CRADD: variants seen among roughly 807,000 people sequenced by gnomAD.
CRADD encodes death domain-containing protein CRADD.
In CRADD, 9 loss-of-function variants were observed where a neutral mutation model predicts 15.5. The observed-to-expected ratio is 0.58, with a 90% CI of 0.35 to 1.01. The LOEUF (loss-of-function observed/expected upper bound fraction) is 1.01, where lower values mean the gene tolerates loss of function less well. Among genes scored for constraint, CRADD ranks in the 50% least tolerant of loss-of-function variants. CRADD has a pLI of 0.02. For synonymous variants in CRADD, 118 were observed against 107.6 expected, an observed-to-expected ratio of 1.10 and a Z score of -0.60; for missense variants, 227 against 250.3, an observed-to-expected ratio of 0.91 and a Z score of 0.63.
At chr12:93,697,300 C>T (rs1205866021) in intron 2 of CRADD, among the ~76,000 whole-genome samples, 2 of 152,194 alleles carry the variant, frequency 1.3e-5, no homozygotes, top group Non-Finnish European at 2.9e-5. Flanking sequence ...GGAGGGAACT[C>T]GCTTAGGCTC....
intron 2 of CRADD, among the ~76,000 whole-genome samples, chr12:93,880,339 T>C (rs1471537081): frequency 1.3e-5 from 2 of 152,144 alleles, no homozygotes; most frequent in African/African-American, 4.8e-5. Flanking sequence ...TATGAGTCTA[T>C]AAACAAAAGA....
At position 93,790,912 on chromosome 12, in the gene CRADD, GACACAC is replaced by G. The variant is rs58305551; in HGVS notation, c.299-59035_299-59030del. 1.6e-4 allele frequency among the ~76,000 whole-genome samples: 23 copies of G among 144,858 alleles called. No homozygotes were observed. The East Asian group carries it at 4.7e-3, about 30-fold the overall frequency. On this transcript the variant is annotated intron_variant, in intron 2 of 2. Transcript: ENST00000332896. ...CCAAGAAATAAAATGCCATATACAT[GACACAC>G]ACACACACACACACACACACACTCT...
intron 2 of CRADD, among the ~76,000 whole-genome samples, chr12:93,818,479 A>G (rs1957733735): frequency 6.6e-6 from 1 of 152,192 alleles, no homozygotes; most frequent in Non-Finnish European, 1.5e-5. Context: ...TGTGCAGGCC[A>G]GGTGACCTGT....
intron 2 of CRADD, among the ~76,000 whole-genome samples, chr12:93,857,483 C>T (rs1431772455): frequency 6.6e-6 from 1 of 152,184 alleles, no homozygotes; most frequent in Non-Finnish European, 1.5e-5. Flanking sequence ...GAATTTGGTG[C>T]TCCTGGTGTG....
chr12:93,881,614 A>T (rs117869799), intron 2 of CRADD, among the ~76,000 whole-genome samples: 1,737 of 152,308 alleles, frequency 0.011, 20 homozygotes, highest in Non-Finnish European at 0.016. Flanking sequence ...TGTGCAGAAG[A>T]GAAGGTACTG....
chr12:93,815,440 A>G (rs1337833551), intron 2 of CRADD: 4 of 152,334 alleles, frequency 2.6e-5, no homozygotes, highest in South Asian at 4.1e-4. Context: ...CTTTAGTGCA[A>G]TCAAGCAGAG....
At chr12:93,787,416 A>T (rs1008522975) in intron 2 of CRADD, among the ~76,000 whole-genome samples, 1 of 151,594 alleles carries the variant, frequency 6.6e-6, no homozygotes, top group African/African-American at 2.4e-5. Context: ...TATCACTGGA[A>T]TATATTTGTA....
intron 2 of CRADD, among the ~76,000 whole-genome samples, chr12:93,782,152 A>G (rs1957217428): frequency 6.6e-6 from 1 of 152,190 alleles, no homozygotes; most frequent in Non-Finnish European, 1.5e-5. Flanking sequence ...ACCATGGAAT[A>G]CTATGCAGCC....
At chr12:93,759,636 C>T (rs1464956282) in intron 2 of CRADD, among the ~76,000 whole-genome samples, 1 of 152,152 alleles carries the variant, frequency 6.6e-6, no homozygotes, top group Non-Finnish European at 1.5e-5. Flanking sequence ...TTTACCCCCA[C>T]CTCTCTTTCT....
At chr12:93,872,016 A>G (rs1221116039) in intron 2 of CRADD, among the ~76,000 whole-genome samples, 1 of 152,232 alleles carries the variant, frequency 6.6e-6, no homozygotes, top group East Asian at 1.9e-4. Flanking sequence ...GTACTAATTC[A>G]CATCCCCACC....
At chr12:93,872,756 A>G (rs908845565) in intron 2 of CRADD, among the ~76,000 whole-genome samples, 3 of 151,902 alleles carry the variant, frequency 2.0e-5, no homozygotes, top group African/African-American at 4.8e-5. Flanking sequence ...ATTCTGTTCC[A>G]TTGGTCTATG....
At chr12:93,805,148 T>C (rs1957522390) in intron 2 of CRADD, among the ~76,000 whole-genome samples, 1 of 152,130 alleles carries the variant, frequency 6.6e-6, no homozygotes, top group South Asian at 2.1e-4. Flanking sequence ...GCTGGGGTTA[T>C]AAAGCAATTC....
chr12:93,862,707 C>T (rs1437562195), intron 2 of CRADD, among the ~76,000 whole-genome samples: 1 of 152,182 alleles, frequency 6.6e-6, no homozygotes, highest in East Asian at 1.9e-4. Flanking sequence ...TTTTAAAGTG[C>T]CAGTGTGAAC....
At chr12:93,802,053 C>T (rs961557030) in intron 2 of CRADD, among the ~76,000 whole-genome samples, 1 of 152,216 alleles carries the variant, frequency 6.6e-6, no homozygotes, top group Non-Finnish European at 1.5e-5. Context: ...AGTGGTATTC[C>T]ATGGCATATA....
rs1015465022 is a variant in CRADD, at chr12:93,840,834, ATTTCT to A, written c.299-9128_299-9124del. Among the ~76,000 whole-genome samples the A allele has an allele frequency of 4.6e-5, 7 of 151,924 alleles. No individual in the cohort carries two copies. In the East Asian group the frequency reaches 9.6e-4, roughly 21 times the overall value. Reference sequence around the variant, plus strand: ...TGCCTGCCTCGGCCTCCCAAAACTAATTTCTTTTCTTTATAGCACTGGTCAGGACG... The same window carrying A: ...TGCCTGCCTCGGCCTCCCAAAACTAATTTCTTTATAGCACTGGTCAGGACG... On this transcript the variant is annotated intron_variant, in intron 2 of 2. Transcript: ENST00000332896.
intron 2 of CRADD, among the ~76,000 whole-genome samples, chr12:93,691,808 G>A (rs962318120): frequency 6.6e-6 from 1 of 152,048 alleles, no homozygotes; most frequent in African/African-American, 2.4e-5. Flanking sequence ...CTAACTTCAA[G>A]AAAATCCAGA....
chr12:93,724,583 T>C (rs1248888453), intron 2 of CRADD, among the ~76,000 whole-genome samples: 1 of 152,186 alleles, frequency 6.6e-6, no homozygotes, highest in Non-Finnish European at 1.5e-5. Flanking sequence ...AATACAGAGC[T>C]GGAAACCAGA....
At chr12:93,767,548 T>C (rs1002540726) in intron 2 of CRADD, among the ~76,000 whole-genome samples, 1 of 152,210 alleles carries the variant, frequency 6.6e-6, no homozygotes, top group African/African-American at 2.4e-5. Context: ...AATTATCACA[T>C]TAATTTTCAC....
At chr12:93,694,543 A>G (rs1565874548) in intron 2 of CRADD, among the ~76,000 whole-genome samples, 1 of 152,172 alleles carries the variant, frequency 6.6e-6, no homozygotes, top group East Asian at 1.9e-4. Context: ...CCCTGTTTGC[A>G]GGTGACATGA....
Sources: gnomAD v4.1 joint callset for allele counts (sites outside exome capture counted in the v4.1 genomes callset) on GRCh38, gnomAD v4.1.1 for gene constraint, MANE v1.5 for transcripts, NCBI Gene and HGNC (gene_info 2026-07-23, HGNC 2026-07-21) for gene names.